Variants in CHIC2 observed in about 807,000 individuals in gnomAD.
CHIC2 encodes the protein cysteine-rich hydrophobic domain-containing protein 2.
CHIC2 carries 14 observed loss-of-function variants against 25.9 expected under a neutral mutation model. That is an observed-to-expected ratio of 0.54 (90% confidence interval 0.36 to 0.85). The LOEUF is 0.85. Ranked by LOEUF, CHIC2 falls within the 40% of genes least tolerant of loss-of-function variation. The pLI, the probability that CHIC2 is intolerant of heterozygous loss-of-function variation, is 0.01. For synonymous variants in CHIC2, 70 were observed against 72.0 expected, an observed-to-expected ratio of 0.97 and a Z score of 0.14; for missense variants, 146 against 202.0, an observed-to-expected ratio of 0.72 and a Z score of 1.68.
chr4:54,064,725 G>GCGGGCGGGCGCGCGCA (rs1269044691), upstream of CHIC2: 1 of 902,756 alleles, frequency 1.1e-6, no homozygotes, highest in Non-Finnish European at 1.3e-6. This position sits in a 1 kb window ranked among gnomAD's most constrained non-coding sequence, Gnocchi z 4.2. Context: ...TGGCTGGCGG[G>GCGGGCGGGCGCGCGCA]CGGGCGGGCG....
chr4:54,068,294 G>T (rs1363112663), upstream of CHIC2, among the ~76,000 whole-genome samples: 1 of 152,112 alleles, frequency 6.6e-6, no homozygotes, highest in South Asian at 2.1e-4. Context: ...GGGCCTTTGG[G>T]AGGTGATTAG....
chr4:54,091,736 T>TACA, the CHIC2 span, among the ~76,000 whole-genome samples: 4 of 152,174 alleles, frequency 2.6e-5, no homozygotes, highest in South Asian at 6.2e-4. Flanking sequence ...CTACCCTCAT[T>TACA]CTAATTCACT....
intron 3 of CHIC2, among the ~76,000 whole-genome samples, chr4:54,027,755 T>C (rs1033254551): frequency 6.6e-6 from 1 of 152,170 alleles, no homozygotes; most frequent in Non-Finnish European, 1.5e-5. Context: ...TCATTACATG[T>C]CATTCTCAAT....
At chr4:54,048,858 T>G in intron 3 of CHIC2, 97 bp downstream of exon 3, 1 of 983,018 alleles carries the variant, frequency 1.0e-6, no homozygotes. Context: ...TTATTCAGGA[T>G]AGTGTGATTC....
At chr4:54,012,854 G>A (rs970594236) in intron 5 of CHIC2, among the ~76,000 whole-genome samples, 3 of 152,048 alleles carry the variant, frequency 2.0e-5, no homozygotes, top group Non-Finnish European at 2.9e-5. Flanking sequence ...CTAGAAATAG[G>A]ATTTGACTGT....
At chr4:54,033,114 A>G (rs994661370) in intron 3 of CHIC2, among the ~76,000 whole-genome samples, 14 of 152,234 alleles carry the variant, frequency 9.2e-5, no homozygotes, top group Non-Finnish European at 2.1e-4. Context: ...TGCCAGTGCC[A>G]TGCTTCTTGT....
intron 5 of CHIC2, among the ~76,000 whole-genome samples, chr4:54,013,542 CT>C (rs1478129877): frequency 6.6e-6 from 1 of 152,042 alleles, no homozygotes; most frequent in African/African-American, 2.4e-5. Flanking sequence ...TGTGGTTATT[CT>C]TTATACAGCA....
intron 3 of CHIC2, among the ~76,000 whole-genome samples, chr4:54,046,335 A>G (rs1017098501): frequency 6.6e-6 from 1 of 152,170 alleles, no homozygotes; most frequent in Admixed American, 6.5e-5. Context: ...AAGAGCCCGC[A>G]TCGCCAAGTC....
chr4:54,087,651 T>C, the CHIC2 span: 3 of 568,150 alleles, frequency 5.3e-6, no homozygotes, highest in Non-Finnish European at 9.1e-6. Context: ...ATATATCCCT[T>C]GATGAGAAGA....
Position 54,031,723 on chromosome 4 carries a change from G to A in CHIC2, c.330+17232C>T, listed in dbSNP as rs758568688. ...CAACCTCCACCTCCTGGGTTCAAGC[G>A]ATTCTGCTGTCTCAGCCTTCTGAGT... On this transcript the variant is annotated intron_variant, in intron 3 of 5. Coordinates refer to ENST00000263921, the MANE Select transcript of CHIC2 (RefSeq NM_012110.4). 5.3e-5 allele frequency among the ~76,000 whole-genome samples: 8 copies of A among 149,640 alleles called. No individual in the cohort carries two copies. In the East Asian group the frequency reaches 1.6e-3, roughly 30 times the overall value.
the CHIC2 span, among the ~76,000 whole-genome samples, chr4:54,088,589 C>T: frequency 1.3e-5 from 2 of 152,112 alleles, no homozygotes; most frequent in East Asian, 3.9e-4. Context: ...ACAGAGGGAG[C>T]AAGTAGGCCA....
At chr4:54,049,191 T>A in intron 2 of CHIC2, 60 bp downstream of exon 2, 3 of 1,561,120 alleles carry the variant, frequency 1.9e-6, no homozygotes, top group Non-Finnish European at 2.6e-6. Context: ...TTTTTCTAAT[T>A]TTCTCAGAAA....
chr4:54,080,188 GTA>G, the CHIC2 span, among the ~76,000 whole-genome samples: 1 of 147,728 alleles, frequency 6.8e-6, no homozygotes, highest in East Asian at 2.0e-4. Flanking sequence ...ATATATATGT[GTA>G]TATATATGTG....
At chr4:54,079,975 T>C in the CHIC2 span, among the ~76,000 whole-genome samples, 1 of 151,826 alleles carries the variant, frequency 6.6e-6, no homozygotes, top group East Asian at 1.9e-4. Flanking sequence ...TCCTATATGA[T>C]CCAGCAATCC....
At chr4:54,078,734 C>T in the CHIC2 span, among the ~76,000 whole-genome samples, 1 of 151,710 alleles carries the variant, frequency 6.6e-6, no homozygotes, top group Non-Finnish European at 1.5e-5. Flanking sequence ...AGGCTGGTCT[C>T]AAACTCCTGA....
intron 1 of CHIC2, chr4:54,061,237 G>A (rs1008372731): frequency 2.0e-5 from 3 of 152,102 alleles, no homozygotes; most frequent in African/African-American, 7.2e-5. Flanking sequence ...GACTAACCTA[G>A]AGAATGGAAG....
chr4:54,075,891 A>AT, the CHIC2 span, among the ~76,000 whole-genome samples: 1 of 152,182 alleles, frequency 6.6e-6, no homozygotes, highest in Non-Finnish European at 1.5e-5. Flanking sequence ...TTTATAAAAC[A>AT]TGTTCATTTG....
Position 54,064,079 on chromosome 4 carries a change from A to T in CHIC2, c.119+103T>A. On this transcript the variant is annotated intron_variant, in intron 1 of 5. Transcript: ENST00000263921. The surrounding 1 kb of genome is among the most constrained non-coding windows in gnomAD (Gnocchi z 4.2). Reference sequence around the variant, plus strand: ...CTTCCTGGTTGCCTACTCTTTCGGAAGGCCCCCGACACCAGACGGACACAG... The same window carrying T: ...CTTCCTGGTTGCCTACTCTTTCGGATGGCCCCCGACACCAGACGGACACAG... 2 of 971,004 alleles carry T rather than the reference A, an allele frequency of 2.1e-6. No homozygotes were observed. Among genetic ancestry groups the T allele is most frequent in the Non-Finnish European group, 3.1e-6 (2 of 649,528 alleles). 60.1% of individuals were successfully genotyped at this position (971,004 alleles called of 1,614,324 possible). A position where few individuals can be genotyped will look rare whatever the true frequency, so the allele number is the denominator to read the frequency against.
chr4:54,081,151 T>C, the CHIC2 span, among the ~76,000 whole-genome samples: 3 of 151,518 alleles, frequency 2.0e-5, no homozygotes, highest in African/African-American at 7.3e-5. Context: ...ATTAGTCCTT[T>C]ATTTGTTTCT....
Sources: gnomAD v4.1 joint callset for allele counts (sites outside exome capture counted in the v4.1 genomes callset) on GRCh38, gnomAD v4.1.1 for gene constraint, Gnocchi (gnomAD v3.1) non-coding constraint, MANE v1.5 for transcripts, NCBI Gene and HGNC (gene_info 2026-07-23, HGNC 2026-07-21) for gene names.